INPP5B: variants seen among roughly 807,000 people sequenced by gnomAD.
INPP5B encodes the protein inositol polyphosphate-5-phosphatase B, also known as type II inositol 1,4,5-trisphosphate 5-phosphatase.
Under a neutral mutation model 118.5 loss-of-function variants are expected in INPP5B, and 90 were observed. The observed-to-expected ratio is 0.76, with a 90% CI of 0.64 to 0.90. The LOEUF (loss-of-function observed/expected upper bound fraction) is 0.90, where lower values mean the gene tolerates loss of function less well. INPP5B is among the 40% of genes least tolerant of loss of function. INPP5B has a pLI of 0.00. For missense variants in INPP5B, 984 were observed against 1,125.6 expected, an observed-to-expected ratio of 0.87 and a Z score of 1.80; for synonymous variants, 385 against 418.9, an observed-to-expected ratio of 0.92 and a Z score of 0.99.
chr1:37,894,636 T>C (rs1643956016), intron 7 of INPP5B, among the ~76,000 whole-genome samples: 1 of 151,440 alleles, frequency 6.6e-6, no homozygotes, highest in African/African-American at 2.4e-5. Flanking sequence ...AGCTTGGCTC[T>C]TTGCAACCTC....
intron 19 of INPP5B, 52 bp downstream of exon 19, chr1:37,872,878 C>T (rs560881598): frequency 1.4e-4 from 193 of 1,381,164 alleles, no homozygotes; most frequent in Non-Finnish European, 1.9e-4. Context: ...TCTTGTTTGA[C>T]TGGCTTGTCT....
At chr1:37,917,106 T>C (rs1204341584) in intron 7 of INPP5B, among the ~76,000 whole-genome samples, 1 of 149,436 alleles carries the variant, frequency 6.7e-6, no homozygotes, top group Non-Finnish European at 1.5e-5. Flanking sequence ...CTGACCAACA[T>C]GGTGAAACCC....
At position 37,876,126 on chromosome 1, in the gene INPP5B, A is replaced by G. The variant is rs1366095975; in HGVS notation, c.1678-410T>C. Reference sequence around the variant, plus strand: ...AAGTTTGTTTTTTTTTTTTTTTTGCAACAAGGTCTTGCTGTCACCCAGGCT... The same window carrying G: ...AAGTTTGTTTTTTTTTTTTTTTTGCGACAAGGTCTTGCTGTCACCCAGGCT... On this transcript the variant is annotated intron_variant, in intron 16 of 23. Coordinates refer to ENST00000373024, the MANE Select transcript of INPP5B (RefSeq NM_005540.3). Among the ~76,000 whole-genome samples the G allele has an allele frequency of 2.1e-5, 3 of 144,906 alleles. No individual in the cohort carries two copies. The East Asian group carries it at 6.0e-4, about 29-fold the overall frequency.
chr1:37,939,054 C>T (rs540944575), intron 6 of INPP5B, among the ~76,000 whole-genome samples: 3 of 151,880 alleles, frequency 2.0e-5, no homozygotes, highest in South Asian at 2.1e-4. Context: ...ATCAGCTGGG[C>T]GTGGTGGTGG....
rs1292321529 is a variant in INPP5B, at chr1:37,915,786, GT to G, written c.532+16126del. On this transcript the variant is annotated intron_variant, in intron 7 of 23. Transcript: ENST00000373024. ...TTCCTATAGTTAGCTATAATAACAT[GT>G]TTTTTGTGTTTTATATACATACACA... Among the ~76,000 whole-genome samples the G allele has an allele frequency of 7.9e-5, 12 of 152,274 alleles. No homozygotes were observed. The East Asian group carries it at 2.3e-3, about 29-fold the overall frequency.
Position 37,891,439 on chromosome 1 carries a change from T to G in INPP5B, c.548A>C (p.Asp183Ala). 1 of 1,613,130 alleles carries G rather than the reference T, an allele frequency of 6.2e-7. No individual in the cohort carries two copies. The highest frequency in any genetic ancestry group is 2.2e-5 in the East Asian group (1 of 44,842). Residue 183 changes from aspartate to alanine, a missense_variant, in exon 8 of 24, where the codon GAT becomes GCT. Asp to Ala is a moderately radical substitution (Grantham distance 126, BLOSUM62 -2). This residue lies in a region of INPP5B where 350 missense variants were observed against 334.6 expected (regional missense o/e 1.05). Transcript: ENST00000373024. The part of the protein sequence containing the change: ...ATIGGGGSNF[D>A]GLRPNGKGVP... ...TCCCTTCCCATTTGGTCTCAAACCA[T>G]CAAAGTTAGAACCACCTAAAGGGAA...
At chr1:37,868,062 C>T (rs746662027) in intron 20 of INPP5B, among the ~76,000 whole-genome samples, 6 of 152,080 alleles carry the variant, frequency 3.9e-5, no homozygotes, top group Admixed American at 6.6e-5. Context: ...TCTGGCAGAG[C>T]GCGGTGGCTC....
intron 7 of INPP5B, among the ~76,000 whole-genome samples, chr1:37,895,670 G>A (rs551853888): frequency 1.7e-3 from 260 of 152,058 alleles, no homozygotes; most frequent in Middle Eastern, 0.01. Flanking sequence ...GCGCCGCCAC[G>A]CCTGACTGGT....
chr1:37,941,865 G>T (rs1645928509), intron 5 of INPP5B, among the ~76,000 whole-genome samples: 1 of 124,424 alleles, frequency 8.0e-6, no homozygotes, highest in Non-Finnish European at 1.7e-5. Context: ...GTGAACCCGG[G>T]AGGCGGAGCT....
chr1:37,863,299 G>A (rs1191507684), intron 23 of INPP5B, among the ~76,000 whole-genome samples: 1 of 151,100 alleles, frequency 6.6e-6, no homozygotes, highest in South Asian at 2.1e-4. Context: ...GTGGAATCAC[G>A]AGGTCAAGAG....
chr1:37,889,508 G>T (rs1643718550), intron 9 of INPP5B, 49 bp downstream of exon 9: 3 of 1,464,176 alleles, frequency 2.0e-6, no homozygotes, highest in East Asian at 4.6e-5. Flanking sequence ...ATTCCAGAGT[G>T]CCAAATGATC....
rs765024764 is a variant in INPP5B at position 37,931,951 on chromosome 1, G to T, written c.494C>A (p.Ala165Asp). 6 of 1,614,050 alleles carry T rather than the reference G, an allele frequency of 3.7e-6. No individual in the cohort carries two copies. In the South Asian group the frequency reaches 4.4e-5, roughly 12 times the overall value. ...EMPTPRGCNSALVTWPGYATI... is the reference protein window; with the variant it reads ...EMPTPRGCNSDLVTWPGYATI... Reference sequence around the variant, plus strand: ...CGCGTACCCTGGCCAGGTAACTAGGGCCGAGTTACAACCGCGCGGCGTTGG... The same window carrying T: ...CGCGTACCCTGGCCAGGTAACTAGGTCCGAGTTACAACCGCGCGGCGTTGG... The change falls in exon 7 of 24, where the codon GCC (alanine) becomes GAC (aspartate). Residue 165 changes from alanine to aspartate, a missense_variant. Ala to Asp is a moderately radical substitution (Grantham distance 126). Transcript: ENST00000373024.
intron 5 of INPP5B, among the ~76,000 whole-genome samples, chr1:37,941,480 C>T (rs576000529): frequency 1.3e-5 from 2 of 151,604 alleles, no homozygotes; most frequent in South Asian, 4.2e-4. Flanking sequence ...AGACACCACC[C>T]CCCGCCACCC....
At chr1:37,866,612 C>A in intron 20 of INPP5B, 69 bp from the exon 21 acceptor site, 1 of 904,684 alleles carries the variant, frequency 1.1e-6, no homozygotes, top group Non-Finnish European at 1.8e-6. Flanking sequence ...CCTGACCTGG[C>A]AATATCAATA....
At chr1:37,878,682 C>T (rs1265635690) in intron 15 of INPP5B, among the ~76,000 whole-genome samples, 3 of 151,810 alleles carry the variant, frequency 2.0e-5, no homozygotes, top group Non-Finnish European at 4.4e-5. Context: ...TGGAGTCTTG[C>T]TCTGTCGCCC....
Position 37,875,640 on chromosome 1 carries a change from G to A in INPP5B, c.1754C>T (p.Ala585Val). Residue 585 changes from alanine (A) to valine (V), a missense_variant, in exon 17 of 24, where the codon GCC becomes GTC. Physicochemically the swap from Ala to Val is moderately conservative, Grantham distance 64. Transcript: ENST00000373024. ...IVRSLDKMEN[A>V]NIPSVSLSKR... ...GGACAGGGACACAGAAGGAATGTTG[G>A]CATTTTCCATCTTATCCAGGGAGCG... 1 of 1,613,920 alleles carries A rather than the reference G, an allele frequency of 6.2e-7. No individual in the cohort carries two copies. The highest frequency in any genetic ancestry group is 8.5e-7 in the Non-Finnish European group (1 of 1,179,798).
In INPP5B at chr1:37,932,363, CTTTTTTTTTTTTT is replaced by C. The variant is rs58150703; in HGVS notation, c.392-323_392-311del. ...TATTATCCCAATTTTCTTTTCTTTT[CTTTTTTTTTTTTT>C]TTTTTTTTTTGAGACGGAGTCTCGC... is the stretch of plus-strand genomic sequence containing the variant. On this transcript the variant is annotated intron_variant, in intron 6 of 23. Transcript: ENST00000373024. 9.2e-4 allele frequency among the ~76,000 whole-genome samples: 81 copies of C among 87,814 alleles called. 1 individual carries two copies. Among genetic ancestry groups the C allele is most frequent in the East Asian group, 6.5e-3 (20 of 3,066 alleles). The allele number at this position is 87,814 out of a possible 152,430, so 57.6% of individuals were successfully genotyped here.
At chr1:37,865,984 T>A in intron 21 of INPP5B, 96 bp from the exon 22 acceptor site, 1 of 1,551,710 alleles carries the variant, frequency 6.4e-7, no homozygotes, top group East Asian at 2.4e-5. Context: ...GCCTGCCCTG[T>A]CAGGCTCTCT....
intron 7 of INPP5B, among the ~76,000 whole-genome samples, chr1:37,904,892 T>G (rs529475900): frequency 2.0e-5 from 3 of 151,008 alleles, no homozygotes; most frequent in Admixed American, 6.6e-5. Flanking sequence ...AAAAAAAAAA[T>G]TTTAAAGGGT....
Sources: allele counts gnomAD v4.1 joint callset (sites outside exome capture counted in the v4.1 genomes callset), GRCh38; gene constraint gnomAD v4.1.1; regional missense constraint gnomAD v4.1.1; transcripts MANE v1.5; gene names NCBI Gene and HGNC (gene_info 2026-07-23, HGNC 2026-07-21).